PGM5: variants seen among roughly 807,000 people sequenced by gnomAD.
PGM5 encodes the protein phosphoglucomutase-like protein 5.
PGM5 carries 23 observed loss-of-function variants against 59.2 expected under a neutral mutation model. The ratio of observed to expected loss-of-function variants is 0.39; its 90% CI spans 0.28 to 0.55. The LOEUF is 0.55. PGM5 is among the 20% of genes least tolerant of loss of function. The pLI is 0.66. For missense variants in PGM5, 574 were observed against 748.3 expected, an observed-to-expected ratio of 0.77 and a Z score of 2.72; for synonymous variants, 214 against 286.0, an observed-to-expected ratio of 0.75 and a Z score of 2.54.
chr9:68,527,135 T>C (rs1824992018), intron 10 of PGM5, among the ~76,000 whole-genome samples: 1 of 152,200 alleles, frequency 6.6e-6, no homozygotes, highest in Non-Finnish European at 1.5e-5. Context: ...ACTTCTCTGG[T>C]GTTTACAGTA....
At chr9:68,483,757 C>A (rs1191665103) in intron 8 of PGM5, 108 bp from the exon 9 acceptor site, 1 of 946,602 alleles carries the variant, frequency 1.1e-6, no homozygotes, top group Non-Finnish European at 1.6e-6. Flanking sequence ...AGGTGCATTT[C>A]TGTGCTGTCC....
intron 6 of PGM5, among the ~76,000 whole-genome samples, chr9:68,440,638 C>T (rs1400321449): frequency 6.6e-6 from 1 of 151,950 alleles, no homozygotes; most frequent in Admixed American, 6.5e-5. Context: ...AATGAAAATA[C>T]ATCAAAATTT....
rs746397066 is a variant in PGM5 at position 68,529,760 on chromosome 9, A to G, written c.*104A>G. On this transcript the variant is annotated 3_prime_UTR_variant, in exon 11 of 11. Coordinates refer to ENST00000396396, the MANE Select transcript of PGM5 (RefSeq NM_021965.4). ...TTGTGCCTCTTATGACTTTGGAAAA[A>G]CAAAAGATATTTTGCTTTTGGGGGA... 6.0e-6 allele frequency: 4 copies of G among 664,764 alleles called. No individual in the cohort carries two copies. The highest frequency in any genetic ancestry group is 9.9e-6 in the Non-Finnish European group (4 of 404,356). 41.2% of individuals were successfully genotyped at this position (664,764 alleles called of 1,614,324 possible).
At chr9:68,438,261 C>G (rs1426397515) in intron 6 of PGM5, among the ~76,000 whole-genome samples, 1 of 139,934 alleles carries the variant, frequency 7.1e-6, no homozygotes, top group African/African-American at 2.8e-5. Flanking sequence ...TGCACTCCAG[C>G]CTGGGCGACA....
chr9:68,527,925 C>A (rs946221056), intron 10 of PGM5, among the ~76,000 whole-genome samples: 2 of 152,180 alleles, frequency 1.3e-5, no homozygotes, highest in South Asian at 2.1e-4. Context: ...TAGGTCCCTC[C>A]CAACAAGACT....
chr9:68,450,824 A>C (rs191537965), intron 6 of PGM5, among the ~76,000 whole-genome samples: 1 of 152,340 alleles, frequency 6.6e-6, no homozygotes, highest in East Asian at 1.9e-4. Context: ...ATGTGTCTGT[A>C]TCTCATATTC....
chr9:68,502,152 T>G (rs141462920), intron 10 of PGM5, among the ~76,000 whole-genome samples: 143 of 152,348 alleles, frequency 9.4e-4, no homozygotes, highest in African/African-American at 3.3e-3. Context: ...GGGCAGGTTC[T>G]TGCCCTGATC....
chr9:68,511,626 C>T (rs1412801836), intron 10 of PGM5, among the ~76,000 whole-genome samples: 14 of 131,192 alleles, frequency 1.1e-4, no homozygotes, highest in African/African-American at 3.9e-4. Context: ...TCTCAGCTCA[C>T]TGCAACCTCC....
intron 6 of PGM5, among the ~76,000 whole-genome samples, chr9:68,419,606 G>A (rs1281810901): frequency 6.6e-6 from 1 of 152,242 alleles, no homozygotes; most frequent in Non-Finnish European, 1.5e-5. Context: ...TTCCTCTGCT[G>A]ATCCTCTCAG....
chr9:68,396,786 G>C (rs1822516856), intron 6 of PGM5: 1 of 152,026 alleles, frequency 6.6e-6, no homozygotes, highest in African/African-American at 2.4e-5. Context: ...CCTTGACAGT[G>C]GTTTCCCATA....
intron 6 of PGM5, among the ~76,000 whole-genome samples, chr9:68,420,906 G>A (rs1187652318): frequency 1.3e-5 from 2 of 152,224 alleles, no homozygotes; most frequent in African/African-American, 2.4e-5. Context: ...TGCACAGATG[G>A]TTTTGAATGT....
intron 4 of PGM5, among the ~76,000 whole-genome samples, chr9:68,390,835 T>A (rs1554679379): frequency 6.6e-6 from 1 of 152,158 alleles, no homozygotes; most frequent in Non-Finnish European, 1.5e-5. Flanking sequence ...ATTGCTTCTC[T>A]GAAGCCATTG....
intron 6 of PGM5, chr9:68,426,742 T>A (rs1291206723): frequency 6.6e-6 from 1 of 152,008 alleles, no homozygotes; most frequent in Non-Finnish European, 1.5e-5. Flanking sequence ...TATCTTTCCC[T>A]TGGTAACTTT....
rs1007862866 is a variant in PGM5 at position 68,437,401 on chromosome 9, G to T, written c.1044-27692G>T. 1.3e-5 allele frequency among the ~76,000 whole-genome samples: 2 copies of T among 152,184 alleles called. No individual in the cohort carries two copies. Among genetic ancestry groups the T allele is most frequent in the African/African-American group, 4.8e-5 (2 of 41,442 alleles). ...GAAGGAATTTACAGTAAAGCCTCAGGGAGCCCAATGCTTAGGCAACAGTCT... is the reference window on the plus strand; with the variant it reads ...GAAGGAATTTACAGTAAAGCCTCAGTGAGCCCAATGCTTAGGCAACAGTCT... On this transcript the variant is annotated intron_variant, in intron 6 of 10. Transcript: ENST00000396396. This position sits in a 1 kb window ranked among gnomAD's most constrained non-coding sequence, Gnocchi z 4.1.
chr9:68,362,216 A>G (rs1834591042), intron 1 of PGM5, among the ~76,000 whole-genome samples: 1 of 151,812 alleles, frequency 6.6e-6, no homozygotes, highest in Admixed American at 6.6e-5. Context: ...GGAAGGCAGA[A>G]CATATGTTTA....
At chr9:68,419,664 C>T (rs1413404594) in intron 6 of PGM5, among the ~76,000 whole-genome samples, 1 of 152,206 alleles carries the variant, frequency 6.6e-6, no homozygotes. Context: ...GCATCTATTG[C>T]TGTCTTTACT....
intron 6 of PGM5, among the ~76,000 whole-genome samples, chr9:68,433,067 C>T (rs1823381716): frequency 6.6e-6 from 1 of 152,148 alleles, no homozygotes; most frequent in Non-Finnish European, 1.5e-5. Flanking sequence ...ATTTTTGACA[C>T]ACCTGCCTTA....
intron 6 of PGM5, among the ~76,000 whole-genome samples, chr9:68,416,949 T>C (rs1025373978): frequency 2.0e-5 from 3 of 152,260 alleles, no homozygotes; most frequent in Admixed American, 6.5e-5. Flanking sequence ...AAAAATGCTA[T>C]TTCCTCTTCA....
At chr9:68,523,874 T>C (rs1170831800) in intron 10 of PGM5, among the ~76,000 whole-genome samples, 1 of 152,216 alleles carries the variant, frequency 6.6e-6, no homozygotes, top group Admixed American at 6.5e-5. Flanking sequence ...GGTTAGGGTA[T>C]TGTTTTCCTC....
Sources: allele counts gnomAD v4.1 joint callset (sites outside exome capture counted in the v4.1 genomes callset), GRCh38; gene constraint gnomAD v4.1.1; non-coding constraint Gnocchi (gnomAD v3.1); transcripts MANE v1.5; gene names NCBI Gene and HGNC (gene_info 2026-07-23, HGNC 2026-07-21).